COBL: variants seen among roughly 807,000 people sequenced by gnomAD.
The protein encoded by COBL is cordon-bleu WH2 repeat protein.
A neutral mutation model predicts 98.8 loss-of-function variants in COBL; 51 were observed. That is an observed-to-expected ratio of 0.52 (90% CI 0.41 to 0.65). The LOEUF (loss-of-function observed/expected upper bound fraction) is 0.65, where lower values mean the gene tolerates loss of function less well. COBL is among the 30% of genes least tolerant of loss of function. The pLI is 0.00. For synonymous variants in COBL, 634 were observed against 651.7 expected (o/e 0.97, Z 0.41); for missense variants, 1,617 against 1,617.5 (o/e 1.00, Z 0.01).
intron 5 of COBL, among the ~76,000 whole-genome samples, chr7:51,149,667 C>A (rs866681195): frequency 1.3e-5 from 2 of 152,100 alleles, no homozygotes; most frequent in African/African-American, 2.4e-5. Context: ...AGTGCAGTGG[C>A]GCAACCTCAG....
At chr7:51,060,292 G>C (rs1791199726) in intron 7 of COBL, among the ~76,000 whole-genome samples, 1 of 152,226 alleles carries the variant, frequency 6.6e-6, no homozygotes, top group Non-Finnish European at 1.5e-5. Context: ...CTTACAGAAT[G>C]TAAGTTCTGC....
At chr7:51,168,272 C>T (rs149289551) in intron 5 of COBL, among the ~76,000 whole-genome samples, 209 of 152,214 alleles carry the variant, frequency 1.4e-3, no homozygotes, top group South Asian at 4.1e-3. Context: ...CTGTAGCTTA[C>T]GCCTGTACTC....
At position 51,316,693 on chromosome 7, in the gene COBL, C is replaced by G. The variant is rs530485704; in HGVS notation, c.-60G>C. On this transcript the variant is annotated 5_prime_UTR_variant, in exon 1 of 13. Transcript: ENST00000265136. Reference sequence around the variant, plus strand: ...GCCCGCCGAGTCAGGCGCTGGCTACCGCCGCCACCGCTGCCGCCCTCATTC... The same window carrying G: ...GCCCGCCGAGTCAGGCGCTGGCTACGGCCGCCACCGCTGCCGCCCTCATTC... 1.9e-5 allele frequency: 22 copies of G among 1,130,328 alleles called. No homozygotes were observed. The South Asian group carries it at 9.2e-4, about 47-fold the overall frequency. The allele number at this position is 1,130,328 out of a possible 1,614,324, so 70.0% of individuals were successfully genotyped here. A position where few individuals can be genotyped will look rare whatever the true frequency, so the allele number is the denominator to read the frequency against.
intron 8 of COBL, among the ~76,000 whole-genome samples, chr7:51,040,425 G>A (rs1789068717): frequency 6.6e-6 from 1 of 152,162 alleles, no homozygotes; most frequent in South Asian, 2.1e-4. Flanking sequence ...CCCAGTGAAG[G>A]AAAGTGATTG....
In COBL at chr7:51,028,567, G is replaced by A. The variant is rs1417308359; in HGVS notation, c.2529C>T (p.His843=). 3 of 1,614,122 alleles carry A rather than the reference G, an allele frequency of 1.9e-6. No individual in the cohort carries two copies. The highest frequency in any genetic ancestry group is 1.3e-5 in the African/African-American group (1 of 74,940). Residue 843 remains histidine, a synonymous_variant, in exon 10 of 13, where the codon CAC becomes CAT. Transcript: ENST00000265136. The part of the protein sequence containing the change: ...RNQPPTMGMG[H]VRVPAAHTTE... Reference sequence around the variant, plus strand: ...TGGTGTGAGCTGCTGGCACCCTCACGTGACCCATGCCCATGGTGGGGGGCT... The same window carrying A: ...TGGTGTGAGCTGCTGGCACCCTCACATGACCCATGCCCATGGTGGGGGGCT...
chr7:51,069,580 G>C (rs1191152874), intron 7 of COBL, among the ~76,000 whole-genome samples: 1 of 152,196 alleles, frequency 6.6e-6, no homozygotes, highest in Non-Finnish European at 1.5e-5. Flanking sequence ...GGAAGAACCA[G>C]AATTTCAAGC....
chr7:51,243,706 T>C (rs991407667), intron 1 of COBL, among the ~76,000 whole-genome samples: 1 of 152,084 alleles, frequency 6.6e-6, no homozygotes, highest in Non-Finnish European at 1.5e-5. Context: ...ACAAAAATCA[T>C]AGCAATGGAA....
chr7:51,224,344 T>C (rs187483654), intron 1 of COBL, among the ~76,000 whole-genome samples: 36 of 150,106 alleles, frequency 2.4e-4, no homozygotes, highest in African/African-American at 8.3e-4. Flanking sequence ...TGCGTACTTA[T>C]AAAAGCCTGA....
intron 6 of COBL, among the ~76,000 whole-genome samples, chr7:51,122,457 C>T (rs191668364): frequency 3.5e-4 from 54 of 152,248 alleles, no homozygotes; most frequent in Non-Finnish European, 4.4e-4. Flanking sequence ...GGCAGCTGGA[C>T]GCCAGAGATG....
intron 1 of COBL, among the ~76,000 whole-genome samples, chr7:51,234,284 TGGCCTCTG>T (rs1426569502): frequency 6.6e-6 from 1 of 152,238 alleles, no homozygotes; most frequent in Non-Finnish European, 1.5e-5. Context: ...AGCAACCATG[TGGCCTCTG>T]GGCACTTCTT....
chr7:51,291,411 G>C (rs1367686140), intron 1 of COBL, among the ~76,000 whole-genome samples: 2 of 152,170 alleles, frequency 1.3e-5, no homozygotes, highest in African/African-American at 4.8e-5. Flanking sequence ...CAGGAAATTA[G>C]CTGTCATTAA....
Position 51,136,292 on chromosome 7 carries a change from G to C in COBL, c.823C>G (p.Arg275Gly), listed in dbSNP as rs748794250. 6.8e-6 allele frequency: 11 copies of C among 1,613,966 alleles called. No homozygotes were observed. In the East Asian group the frequency reaches 2.5e-4, roughly 36 times the overall value. The change falls in exon 6 of 13, where the codon CGT (arginine) becomes GGT (glycine). Residue 275 changes from arginine to glycine, a missense_variant. Physicochemically the swap from Arg to Gly is moderately radical, Grantham distance 125. This residue lies in a region of COBL where 1,304 missense variants were observed against 1,282.0 expected (regional missense o/e 1.02). Coordinates refer to ENST00000265136, the MANE Select transcript of COBL (RefSeq NM_015198.5). The stretch of plus-strand genomic sequence containing the variant: ...AGGGATGGACCCAGCGTAAGAGAAC[G>C]TGAGTGCATGGATGGGGAGTTGGGG... ...TTPNSPSMHSRSLTLGPSLSL... is the reference protein window; with the variant it reads ...TTPNSPSMHSGSLTLGPSLSL...
intron 7 of COBL, chr7:51,065,371 C>T (rs761044416): frequency 1.4e-6 from 1 of 703,636 alleles, no homozygotes; most frequent in Non-Finnish European, 2.6e-6. Flanking sequence ...CCACAGGGTT[C>T]TTGGCTTTGC....
Position 51,278,770 on chromosome 7 carries a change from C to A in COBL, c.41+37823G>T, listed in dbSNP as rs573939003. 4.6e-5 allele frequency among the ~76,000 whole-genome samples: 7 copies of A among 152,310 alleles called. No individual in the cohort carries two copies. The East Asian group carries it at 1.4e-3, about 29-fold the overall frequency. Reference sequence around the variant, plus strand: ...TCTACCAAAAGCAAAAATAACAGCACACTTTTTTACAGTATGAAAATGACA... The same window carrying A: ...TCTACCAAAAGCAAAAATAACAGCAAACTTTTTTACAGTATGAAAATGACA... On this transcript the variant is annotated intron_variant, in intron 1 of 12. Coordinates refer to ENST00000265136, the MANE Select transcript of COBL (RefSeq NM_015198.5).
intron 2 of COBL, among the ~76,000 whole-genome samples, chr7:51,213,348 G>A (rs183117022): frequency 8.4e-4 from 128 of 152,326 alleles, no homozygotes; most frequent in African/African-American, 2.8e-3. Context: ...AGTGGCATTC[G>A]ATTCTCATAG....
At chr7:51,084,827 A>G (rs1312536609) in intron 7 of COBL, among the ~76,000 whole-genome samples, 1 of 152,104 alleles carries the variant, frequency 6.6e-6, no homozygotes, top group Non-Finnish European at 1.5e-5. Flanking sequence ...AGTTTCCACG[A>G]TGTCACCCTA....
At chr7:51,233,427 GA>G (rs10707190) in intron 1 of COBL, among the ~76,000 whole-genome samples, 58,009 of 151,770 alleles carry the variant, frequency 0.38, 11,650 homozygotes, top group Non-Finnish European at 0.44. Context: ...TCAGTGGGGG[GA>G]AAAAAAAGGA....
At chr7:51,079,685 G>C (rs1280241661) in intron 7 of COBL, among the ~76,000 whole-genome samples, 1 of 152,218 alleles carries the variant, frequency 6.6e-6, no homozygotes, top group African/African-American at 2.4e-5. Context: ...GGTGTGCACA[G>C]AGAACTTGCC....
chr7:51,137,844 T>C (rs2129008499), intron 5 of COBL, among the ~76,000 whole-genome samples: 1 of 152,338 alleles, frequency 6.6e-6, no homozygotes, highest in African/African-American at 2.4e-5. Context: ...TATGCTTTCA[T>C]ATTTTACATA....
Sources: gnomAD v4.1 joint callset for allele counts (sites outside exome capture counted in the v4.1 genomes callset) on GRCh38, gnomAD v4.1.1 for gene constraint, gnomAD v4.1.1 regional missense constraint, MANE v1.5 for transcripts, NCBI Gene and HGNC (gene_info 2026-07-23, HGNC 2026-07-21) for gene names.